The following NAPEPLD variants were observed in gnomAD, a reference collection of about 807,000 sequenced individuals.
NAPEPLD encodes the protein N-acyl phosphatidylethanolamine phospholipase D.
A neutral mutation model predicts 38.1 loss-of-function variants in NAPEPLD; 23 were observed. The ratio of observed to expected loss-of-function variants is 0.60; its 90% CI spans 0.43 to 0.86. The LOEUF (loss-of-function observed/expected upper bound fraction) is 0.86, where lower values mean the gene tolerates loss of function less well. NAPEPLD is among the 40% of genes least tolerant of loss of function. The probability of loss-of-function intolerance (pLI) is 0.00; values close to 1 mark genes in which losing one functional copy is unlikely to be tolerated. For missense variants in NAPEPLD, 411 were observed against 476.8 expected, an observed-to-expected ratio of 0.86 and a Z score of 1.28; for synonymous variants, 147 against 162.0, an observed-to-expected ratio of 0.91 and a Z score of 0.71.
At chr7:103,113,408 C>T (rs182974578) in intron 4 of NAPEPLD, among the ~76,000 whole-genome samples, 7 of 152,126 alleles carry the variant, frequency 4.6e-5, no homozygotes, top group South Asian at 2.1e-4. Context: ...AATGGGCAGG[C>T]AGTGTATTAG....
At chr7:103,107,735 G>T (rs531444336) in intron 4 of NAPEPLD, among the ~76,000 whole-genome samples, 5 of 126,368 alleles carry the variant, frequency 4.0e-5, no homozygotes, top group South Asian at 5.9e-4. Flanking sequence ...AAGACTCCAA[G>T]AAATATGTGA....
chr7:103,119,494 G>A (rs1747141196), intron 3 of NAPEPLD, 83 bp downstream of exon 3: 7 of 1,460,962 alleles, frequency 4.8e-6, no homozygotes, highest in Middle Eastern at 1.8e-4. Context: ...AAATTACAGT[G>A]TCACAAAAAT....
At chr7:103,113,850 G>A (rs935819835) in intron 4 of NAPEPLD, among the ~76,000 whole-genome samples, 1 of 151,680 alleles carries the variant, frequency 6.6e-6, no homozygotes, top group Non-Finnish European at 1.5e-5. Context: ...TCGAACTCCT[G>A]ACCTCAGGTG....
chr7:103,119,937 T>C lies in NAPEPLD; in HGVS notation c.581A>G (p.Asn194Ser), dbSNP rs760641884. Residue 194 changes from asparagine (N) to serine (S), a missense_variant, in exon 3 of 5, where the codon AAT (asparagine) becomes AGT (serine). Coordinates refer to ENST00000465647, the MANE Select transcript of NAPEPLD (RefSeq NM_001122838.3). ...SHNHYDHLDY[N>S]SVIALNERFG... ...TCGCTCATTCAAAGCAATGACAGAA[T>C]TGTAGTCCAGATGGTCATAGTGGTT... 9.9e-6 allele frequency: 16 copies of C among 1,614,084 alleles called. No homozygotes were observed. In the African/African-American group the frequency reaches 1.5e-4, roughly 15 times the overall value.
rs963185447 is a variant in NAPEPLD, at chr7:103,148,895, G to A, written c.-101C>T. On this transcript the variant is annotated 5_prime_UTR_variant, in exon 1 of 5. Transcript: ENST00000465647. The stretch of plus-strand genomic sequence containing the variant: ...TCCCAGACAGCTACTCTCCCAAAGA[G>A]AAAAAAAATAATGCTGTGGCTCTTC... The A allele has an allele frequency of 8.5e-5, 84 of 985,072 alleles. No homozygotes were observed. The highest frequency in any genetic ancestry group is 9.8e-5 in the Non-Finnish European group (81 of 829,822). 61.0% of individuals were successfully genotyped at this position (985,072 alleles called of 1,614,324 possible).
chr7:103,128,353 G>A, intron 2 of NAPEPLD, 130 bp downstream of exon 2: 1 of 1,067,810 alleles, frequency 9.4e-7, no homozygotes, highest in East Asian at 2.5e-5. Context: ...GAACTTTAGG[G>A]CCTAGGTTAC....
chr7:103,125,985 A>C (rs1807710205), intron 2 of NAPEPLD, among the ~76,000 whole-genome samples: 1 of 152,028 alleles, frequency 6.6e-6, no homozygotes, highest in African/African-American at 2.4e-5. Context: ...AAATTGCTGA[A>C]ATTTATTAAA....
chr7:103,123,386 T>C (rs1807099521), intron 2 of NAPEPLD, among the ~76,000 whole-genome samples: 1 of 152,180 alleles, frequency 6.6e-6, no homozygotes, highest in African/African-American at 2.4e-5. Context: ...TTCTTAAATT[T>C]GGGAGTTAGG....
intron 2 of NAPEPLD, among the ~76,000 whole-genome samples, chr7:103,125,280 A>G (rs960837403): frequency 7.2e-5 from 11 of 152,202 alleles, no homozygotes; most frequent in Non-Finnish European, 1.2e-4. Context: ...ATTGATGCCA[A>G]TGTTTGATAT....
intron 1 of NAPEPLD, among the ~76,000 whole-genome samples, chr7:103,130,413 T>TA (rs1808689063): frequency 6.6e-6 from 1 of 152,140 alleles, no homozygotes; most frequent in Admixed American, 6.5e-5. Context: ...CTAACAAGAT[T>TA]TATACTTTGG....
chr7:103,144,830 G>A (rs1359629812), intron 1 of NAPEPLD, among the ~76,000 whole-genome samples: 1 of 151,944 alleles, frequency 6.6e-6, no homozygotes, highest in Non-Finnish European at 1.5e-5. Flanking sequence ...TGGCCAACAT[G>A]GCAAAACTCT....
intron 4 of NAPEPLD, among the ~76,000 whole-genome samples, chr7:103,110,413 T>C (rs1057091924): frequency 6.6e-6 from 1 of 152,202 alleles, no homozygotes; most frequent in Non-Finnish European, 1.5e-5. Context: ...ATACCTGGGA[T>C]GCAAGGCTGG....
intron 4 of NAPEPLD, among the ~76,000 whole-genome samples, chr7:103,112,051 T>C (rs1287943303): frequency 2.0e-5 from 3 of 151,976 alleles, no homozygotes; most frequent in African/African-American, 4.8e-5. Flanking sequence ...CAAAACCATA[T>C]TGAGATACCA....
chr7:103,140,165 T>C (rs987713741), intron 1 of NAPEPLD, among the ~76,000 whole-genome samples: 7 of 152,160 alleles, frequency 4.6e-5, no homozygotes, highest in South Asian at 2.1e-4. Context: ...ACACAGTACA[T>C]AGTAAGCACT....
intron 4 of NAPEPLD, among the ~76,000 whole-genome samples, chr7:103,109,854 C>G (rs7806745): frequency 0.011 from 1,680 of 152,156 alleles, 35 homozygotes; most frequent in African/African-American, 0.039. Flanking sequence ...AGAGAAGAAT[C>G]AAATTGACGC....
intron 1 of NAPEPLD, among the ~76,000 whole-genome samples, chr7:103,133,552 T>G (rs1027572413): frequency 6.6e-6 from 1 of 152,176 alleles, no homozygotes; most frequent in Non-Finnish European, 1.5e-5. Context: ...ACGCTCCTCA[T>G]GCCCAGTGTC....
chr7:103,110,011 T>A (rs9649256), intron 4 of NAPEPLD, among the ~76,000 whole-genome samples: 2 of 152,082 alleles, frequency 1.3e-5, no homozygotes, highest in Non-Finnish European at 2.9e-5. Flanking sequence ...ATCCTAAGAC[T>A]AAACCAGGAA....
At chr7:103,103,617 A>G in intron 4 of NAPEPLD, 63 bp from the exon 5 acceptor site, 1 of 1,517,432 alleles carries the variant, frequency 6.6e-7, no homozygotes, top group Non-Finnish European at 8.8e-7. Flanking sequence ...GATTTTCCAA[A>G]TAACAGTTCA....
At chr7:103,108,387 C>A (rs6465891) in intron 4 of NAPEPLD, among the ~76,000 whole-genome samples, 133,243 of 152,174 alleles carry the variant, frequency 0.88, 61,062 homozygotes, top group East Asian at 1. Flanking sequence ...ATGATCTGCC[C>A]GCCTCAGCCT....
Sources: allele counts gnomAD v4.1 joint callset (sites outside exome capture counted in the v4.1 genomes callset), GRCh38; gene constraint gnomAD v4.1.1; transcripts MANE v1.5; gene names NCBI Gene and HGNC (gene_info 2026-07-23, HGNC 2026-07-21).